GRIN2A: variants seen among roughly 807,000 people sequenced by gnomAD.
The protein encoded by GRIN2A is glutamate receptor ionotropic, NMDA 2A.
In GRIN2A, 22 loss-of-function variants were observed where a neutral mutation model predicts 113.4. The ratio of observed to expected loss-of-function variants is 0.19; its 90% CI spans 0.14 to 0.28. GRIN2A has a LOEUF of 0.28. Among genes scored for constraint, GRIN2A ranks in the 10% least tolerant of loss-of-function variants. The probability of loss-of-function intolerance (pLI) is 1.00; values close to 1 mark genes in which losing one functional copy is unlikely to be tolerated. For missense variants in GRIN2A, 1,502 were observed against 1,887.0 expected (o/e 0.80, Z 3.78); for synonymous variants, 827 against 738.4 (o/e 1.12, Z -1.94).
chr16:10,054,132 T>C (rs949928647), intron 2 of GRIN2A, among the ~76,000 whole-genome samples: 1 of 152,016 alleles, frequency 6.6e-6, no homozygotes, highest in African/African-American at 2.4e-5. Flanking sequence ...GAAAATATCC[T>C]ACGTGGATAA....
In GRIN2A at chr16:9,753,785, A is replaced by G. The variant is rs371383634; in HGVS notation, c.*9364T>C. 1.1e-5 allele frequency: 2 copies of G among 184,230 alleles called. No individual in the cohort carries two copies. Among genetic ancestry groups the G allele is most frequent in the Non-Finnish European group, 2.3e-5 (2 of 86,786 alleles). The allele number at this position is 184,230 out of a possible 1,614,324, so 11.4% of individuals were successfully genotyped here. A position where few individuals can be genotyped will look rare whatever the true frequency, so the allele number is the denominator to read the frequency against. On this transcript the variant is annotated 3_prime_UTR_variant, in exon 13 of 13. Transcript: ENST00000330684. ...GAACATTAATTCCCAAATGAAGACCATTGCTTAGAGCAGACAGCTTGCTTT... is the reference window on the plus strand; with the variant it reads ...GAACATTAATTCCCAAATGAAGACCGTTGCTTAGAGCAGACAGCTTGCTTT...
At chr16:9,777,595 G>A (rs113481160) in intron 11 of GRIN2A, among the ~76,000 whole-genome samples, 7 of 152,318 alleles carry the variant, frequency 4.6e-5, no homozygotes, top group African/African-American at 1.7e-4. Context: ...GCTGTCTTTG[G>A]CATAAATGTT....
chr16:10,124,615 G>A (rs957179614), intron 2 of GRIN2A, among the ~76,000 whole-genome samples: 6 of 152,146 alleles, frequency 3.9e-5, no homozygotes, highest in South Asian at 2.1e-4. Context: ...CAGGTGAGAC[G>A]GAGCTGGGAG....
In GRIN2A at chr16:10,098,559, C is replaced by T. The variant is rs143930978; in HGVS notation, c.414+81439G>A. On this transcript the variant is annotated intron_variant, in intron 2 of 12. Transcript: ENST00000330684. ...CAAAAATATGGAATCAGCCCAAATG[C>T]CCATTAATCGACAAGTGGCTAAACA... 2.6e-4 allele frequency among the ~76,000 whole-genome samples: 40 copies of T among 152,248 alleles called. No homozygotes were observed. The East Asian group carries it at 3.1e-3, about 12-fold the overall frequency.
rs1454152661 is a variant in GRIN2A at position 10,046,234 on chromosome 16, G to A, written c.415-107683C>T. Reference sequence around the variant, plus strand: ...CTCTTAAGAAGCTACAAAACTGAAAGTGTCTCTTTCTGGTTGCTGGCATAT... The same window carrying A: ...CTCTTAAGAAGCTACAAAACTGAAAATGTCTCTTTCTGGTTGCTGGCATAT... On this transcript the variant is annotated intron_variant, in intron 2 of 12. Transcript: ENST00000330684. 2.6e-5 allele frequency among the ~76,000 whole-genome samples: 4 copies of A among 151,988 alleles called. No individual in the cohort carries two copies. The East Asian group carries it at 7.7e-4, about 29-fold the overall frequency.
At chr16:9,949,500 A>G (rs770423395) in intron 2 of GRIN2A, among the ~76,000 whole-genome samples, 2 of 150,616 alleles carry the variant, frequency 1.3e-5, no homozygotes, top group Non-Finnish European at 3.0e-5. Flanking sequence ...GATAGGGTAG[A>G]TGGATGGATG....
chr16:9,934,236 C>A (rs745418049), intron 3 of GRIN2A, among the ~76,000 whole-genome samples: 3 of 151,854 alleles, frequency 2.0e-5, no homozygotes, highest in Non-Finnish European at 4.4e-5. Flanking sequence ...AAAAAGAATT[C>A]TTATTCCTAA....
intron 2 of GRIN2A, among the ~76,000 whole-genome samples, chr16:9,993,892 C>T (rs1596398537): frequency 6.6e-6 from 1 of 152,342 alleles, no homozygotes; most frequent in East Asian, 1.9e-4. Flanking sequence ...TTTGTTTTTG[C>T]TCCTGGCTCA....
chr16:9,766,957 A>T (rs1900954923), intron 12 of GRIN2A, among the ~76,000 whole-genome samples: 1 of 152,206 alleles, frequency 6.6e-6, no homozygotes, highest in African/African-American at 2.4e-5. Context: ...AATGTTGATA[A>T]ATCAACTTGG....
rs542781146 is a variant in GRIN2A, at chr16:10,032,726, C to A, written c.415-94175G>T. Among the ~76,000 whole-genome samples, 15 of 152,214 alleles carry A rather than the reference C, an allele frequency of 9.9e-5. No individual in the cohort carries two copies. In the East Asian group the frequency reaches 2.9e-3, roughly 29 times the overall value. ...GTTTAATGCCGGTCTCCACTCTGAG[C>A]CATTAAACAACAGTGGTGGAACACA... On this transcript the variant is annotated intron_variant, in intron 2 of 12. Transcript: ENST00000330684.
intron 3 of GRIN2A, among the ~76,000 whole-genome samples, chr16:9,927,057 C>A (rs2044481727): frequency 6.6e-6 from 1 of 152,152 alleles, no homozygotes; most frequent in Non-Finnish European, 1.5e-5. Flanking sequence ...TGGCTCTTTT[C>A]AAGTTCTATA....
At chr16:10,016,710 G>A (rs75076752) in intron 2 of GRIN2A, among the ~76,000 whole-genome samples, 2 of 152,194 alleles carry the variant, frequency 1.3e-5, no homozygotes, top group African/African-American at 4.8e-5. Context: ...TTCATGCACT[G>A]CTTCTCCACA....
chr16:10,032,086 T>C (rs1009223741), intron 2 of GRIN2A, among the ~76,000 whole-genome samples: 1 of 152,258 alleles, frequency 6.6e-6, no homozygotes, highest in East Asian at 1.9e-4. Context: ...TTTTGAAATA[T>C]GTCCCTCCTT....
In GRIN2A at chr16:10,180,608, T is replaced by G; in HGVS notation, c.-18-179A>C. 3.7e-5 allele frequency: 22 copies of G among 589,358 alleles called. No homozygotes were observed. The highest frequency in any genetic ancestry group is 4.3e-5 in the Non-Finnish European group (20 of 468,210). 36.5% of individuals were successfully genotyped at this position (589,358 alleles called of 1,614,324 possible). A position where few individuals can be genotyped will look rare whatever the true frequency, so the allele number is the denominator to read the frequency against. ...CCATCCACATCCCTCGATCCATCTC[T>G]AACTCTATCCACAACTCCAATTCGA... On this transcript the variant is annotated intron_variant, in intron 1 of 12. Coordinates refer to ENST00000330684, the MANE Select transcript of GRIN2A (RefSeq NM_001134407.3). The surrounding 1 kb of genome is among the most constrained non-coding windows in gnomAD (Gnocchi z 7.0).
At chr16:10,179,653 G>A (rs2050217865) in intron 2 of GRIN2A, 1 of 396,542 alleles carries the variant, frequency 2.5e-6, no homozygotes, top group Admixed American at 3.9e-5. Context: ...GTGCTCCTGG[G>A]CCCACCTCTG....
At chr16:10,080,145 C>A (rs1055693012) in intron 2 of GRIN2A, among the ~76,000 whole-genome samples, 2 of 152,240 alleles carry the variant, frequency 1.3e-5, no homozygotes, top group Non-Finnish European at 1.5e-5. Flanking sequence ...GTTGCCACAA[C>A]AGCAGAGTAT....
chr16:10,110,848 C>T (rs1483167563), intron 2 of GRIN2A, among the ~76,000 whole-genome samples: 1 of 152,202 alleles, frequency 6.6e-6, no homozygotes, highest in East Asian at 1.9e-4. Flanking sequence ...GCCCCTGAAT[C>T]GTCACTTGTC....
At chr16:9,919,709 T>C (rs1567175921) in intron 3 of GRIN2A, among the ~76,000 whole-genome samples, 1 of 152,238 alleles carries the variant, frequency 6.6e-6, no homozygotes, top group Non-Finnish European at 1.5e-5. Flanking sequence ...CTTTTCATAA[T>C]ACTTGAAACA....
chr16:10,178,465 G>A (rs2050194327), intron 2 of GRIN2A, among the ~76,000 whole-genome samples: 1 of 152,176 alleles, frequency 6.6e-6, no homozygotes. Context: ...TCATCTGAAA[G>A]TTACAGCATG....
Sources: gnomAD v4.1 joint callset for allele counts (sites outside exome capture counted in the v4.1 genomes callset) on GRCh38, gnomAD v4.1.1 for gene constraint, Gnocchi (gnomAD v3.1) non-coding constraint, MANE v1.5 for transcripts, NCBI Gene and HGNC (gene_info 2026-07-23, HGNC 2026-07-21) for gene names.